SUMF1: variants seen among roughly 807,000 people sequenced by gnomAD.
The protein encoded by SUMF1 is sulfatase modifying factor 1.
SUMF1 carries 48 observed loss-of-function variants against 47.6 expected under a neutral mutation model. That is an observed-to-expected ratio of 1.01 (90% CI 0.80 to 1.28). The LOEUF (loss-of-function observed/expected upper bound fraction) is 1.28, where lower values mean the gene tolerates loss of function less well. SUMF1 is among the 50% of genes most tolerant of loss of function. The pLI is 0.00. For synonymous variants in SUMF1, 230 were observed against 192.1 expected, an observed-to-expected ratio of 1.20 and a Z score of -1.63; for missense variants, 571 against 485.4, an observed-to-expected ratio of 1.18 and a Z score of -1.66.
At chr3:4,464,797 T>A (rs115328796) in intron 1 of SUMF1, among the ~76,000 whole-genome samples, 2,553 of 152,266 alleles carry the variant, frequency 0.017, 57 homozygotes, top group African/African-American at 0.058. Flanking sequence ...ACTGCTTCAG[T>A]TTCAGTCATT....
intron 8 of SUMF1, among the ~76,000 whole-genome samples, chr3:4,133,916 T>C (rs1448334521): frequency 2.0e-5 from 3 of 152,024 alleles, no homozygotes; most frequent in Non-Finnish European, 4.4e-5. Context: ...TCATTAAAAT[T>C]GGGATGGGAA....
chr3:4,243,543 T>C (rs973394271), intron 8 of SUMF1, among the ~76,000 whole-genome samples: 21 of 152,148 alleles, frequency 1.4e-4, no homozygotes, highest in Admixed American at 9.8e-4. Context: ...TGGGAGCCAG[T>C]TGTTCAGTTT....
intron 8 of SUMF1, among the ~76,000 whole-genome samples, chr3:4,329,765 GTT>G (rs67442713): frequency 0.14 from 21,380 of 147,594 alleles, 1,518 homozygotes; most frequent in Middle Eastern, 0.19. Flanking sequence ...CTTAGAAAAT[GTT>G]TTTTTTTTTT....
intron 8 of SUMF1, among the ~76,000 whole-genome samples, chr3:4,155,850 A>G (rs1694439844): frequency 6.6e-6 from 1 of 150,820 alleles, no homozygotes; most frequent in Non-Finnish European, 1.5e-5. Flanking sequence ...CCAAAAATCA[A>G]TTTGCCCATC....
At chr3:4,327,289 T>A (rs1350115552) in intron 8 of SUMF1, among the ~76,000 whole-genome samples, 1 of 152,234 alleles carries the variant, frequency 6.6e-6, no homozygotes, top group Admixed American at 6.5e-5. Context: ...CCAGTGAGAA[T>A]CCTGGAAATT....
intron 3 of SUMF1, among the ~76,000 whole-genome samples, chr3:4,421,625 G>A (rs933724321): frequency 6.6e-6 from 1 of 152,110 alleles, no homozygotes; most frequent in Non-Finnish European, 1.5e-5. Context: ...GACCACAGGT[G>A]TGCGCCACAA....
chr3:4,096,018 T>C (rs925722592), intron 8 of SUMF1, among the ~76,000 whole-genome samples: 1 of 152,154 alleles, frequency 6.6e-6, no homozygotes, highest in African/African-American at 2.4e-5. Context: ...TGTATGGGAT[T>C]ATGGTGGTCA....
intron 8 of SUMF1, among the ~76,000 whole-genome samples, chr3:4,079,176 G>A (rs1436462976): frequency 6.6e-6 from 1 of 152,050 alleles, no homozygotes; most frequent in East Asian, 1.9e-4. Context: ...CAACATCCAT[G>A]TCATCAGCTC....
At chr3:4,188,706 C>T (rs532724489) in intron 8 of SUMF1, among the ~76,000 whole-genome samples, 3 of 152,088 alleles carry the variant, frequency 2.0e-5, no homozygotes, top group African/African-American at 7.2e-5. Flanking sequence ...GGATAATTTG[C>T]TTAACCTCTG....
At position 4,466,301 on chromosome 3, in the gene SUMF1, G is replaced by A. The variant is rs367676004; in HGVS notation, c.270+675C>T. Among the ~76,000 whole-genome samples, 925 of 152,000 alleles carry A rather than the reference G, an allele frequency of 6.1e-3. 6 individuals carry two copies. The highest frequency in any genetic ancestry group is 0.021 in the African/African-American group (887 of 41,454). ...TAATTTTTGTATTTTTAGTAGAGAC[G>A]GGGTTTCGCCATGTTGGCCAGGCTG... On this transcript the variant is annotated intron_variant, in intron 1 of 8. Coordinates refer to ENST00000272902, the MANE Select transcript of SUMF1 (RefSeq NM_182760.4).
In SUMF1 at chr3:4,347,368, G is replaced by C. The variant is rs139695604; in HGVS notation, c.1014+28962C>G. ...GTGGGCTTCATCACTGGGATGCAAGGGTGGTTCAACATACACAAATCAATA... is the reference window on the plus strand; with the variant it reads ...GTGGGCTTCATCACTGGGATGCAAGCGTGGTTCAACATACACAAATCAATA... On this transcript the variant is annotated intron_variant and NMD_transcript_variant, in intron 8 of 12. Coordinates refer to the SUMF1 transcript ENST00000448413. Among the ~76,000 whole-genome samples, 84 of 152,194 alleles carry C rather than the reference G, an allele frequency of 5.5e-4. No homozygotes were observed. The Middle Eastern group carries it at 0.01, about 18-fold the overall frequency.
At chr3:4,249,997 A>T (rs1696758151) in intron 8 of SUMF1, among the ~76,000 whole-genome samples, 3 of 152,272 alleles carry the variant, frequency 2.0e-5, no homozygotes, top group African/African-American at 7.2e-5. Flanking sequence ...CAGCCTGGCC[A>T]ACATAGTAAA....
At chr3:4,182,189 G>A (rs190871767) in intron 8 of SUMF1, among the ~76,000 whole-genome samples, 1 of 151,936 alleles carries the variant, frequency 6.6e-6, no homozygotes, top group Non-Finnish European at 1.5e-5. Context: ...TACAGGGTAT[G>A]GGTAAGCATG....
chr3:4,303,501 CG>C, intron 8 of SUMF1: 5 of 1,452,564 alleles, frequency 3.4e-6, no homozygotes, highest in Admixed American at 6.3e-5. Context: ...GCGTGGCCCC[CG>C]GGGGCCGCGC....
At chr3:4,160,140 C>T (rs1160561996) in intron 8 of SUMF1, among the ~76,000 whole-genome samples, 1 of 152,102 alleles carries the variant, frequency 6.6e-6, no homozygotes, top group African/African-American at 2.4e-5. Flanking sequence ...TTCAAATAAA[C>T]TTTCTACCCC....
intron 8 of SUMF1, among the ~76,000 whole-genome samples, chr3:4,212,877 GAACA>G (rs1280560145): frequency 6.6e-5 from 10 of 151,972 alleles, no homozygotes; most frequent in Admixed American, 6.6e-5. Flanking sequence ...TTATAAAAAC[GAACA>G]AACAAAGCCT....
At chr3:4,105,012 T>C (rs1307673218) in intron 8 of SUMF1, among the ~76,000 whole-genome samples, 3 of 152,122 alleles carry the variant, frequency 2.0e-5, no homozygotes. Flanking sequence ...AAAGAAAATG[T>C]GGTATACATA....
intron 8 of SUMF1, among the ~76,000 whole-genome samples, chr3:4,094,260 T>G (rs1310569133): frequency 6.6e-6 from 1 of 152,054 alleles, no homozygotes; most frequent in Non-Finnish European, 1.5e-5. Flanking sequence ...ATTCACTCAC[T>G]CCTTCAACAA....
At chr3:4,285,708 T>G (rs547878583) in intron 8 of SUMF1, among the ~76,000 whole-genome samples, 261 of 152,258 alleles carry the variant, frequency 1.7e-3, no homozygotes, top group African/African-American at 6.0e-3. Context: ...CAGTACCTCA[T>G]AATGCCTCAT....
Sources: allele counts gnomAD v4.1 joint callset (sites outside exome capture counted in the v4.1 genomes callset), GRCh38; gene constraint gnomAD v4.1.1; transcripts MANE v1.5; gene names NCBI Gene and HGNC (gene_info 2026-07-23, HGNC 2026-07-21).